GABRA1: variants seen among roughly 807,000 people sequenced by gnomAD.
GABRA1 encodes the protein gamma-aminobutyric acid type A receptor subunit alpha1.
A neutral mutation model predicts 48.9 loss-of-function variants in GABRA1; 9 were observed. The observed-to-expected ratio is 0.18, with a 90% CI of 0.11 to 0.32. GABRA1 has a LOEUF of 0.32. Ranked by LOEUF, GABRA1 falls within the 10% of genes least tolerant of loss-of-function variation. The pLI, the probability that GABRA1 is intolerant of heterozygous loss-of-function variation, is 1.00. For synonymous variants in GABRA1, 210 were observed against 198.7 expected (o/e 1.06, Z -0.48); for missense variants, 285 against 553.8 (o/e 0.51, Z 4.87).
chr5:161,851,834 A>G (rs192118639), intron 2 of GABRA1, among the ~76,000 whole-genome samples: 109 of 152,234 alleles, frequency 7.2e-4, no homozygotes, highest in African/African-American at 2.5e-3. Context: ...TTAATGAGAG[A>G]AGTTAAATGT....
chr5:161,856,680 A>G (rs1428420694), intron 3 of GABRA1, among the ~76,000 whole-genome samples: 2 of 151,322 alleles, frequency 1.3e-5, no homozygotes, highest in Non-Finnish European at 3.0e-5. Context: ...TTTTTTTTAA[A>G]TATTCTTTTT....
chr5:161,872,179 T>C (rs1754149198), intron 4 of GABRA1: 1 of 152,670 alleles, frequency 6.6e-6, no homozygotes, highest in South Asian at 2.1e-4. Context: ...GAGAATGTGG[T>C]AATCTCTATT....
chr5:161,865,740 G>T lies in GABRA1; in HGVS notation c.207G>T (p.Lys69Asn), dbSNP rs751050781. 1 of 1,613,010 alleles carries T rather than the reference G, an allele frequency of 6.2e-7. No individual in the cohort carries two copies. Among genetic ancestry groups the T allele is most frequent in the Non-Finnish European group, 8.5e-7 (1 of 1,179,188 alleles). Reference protein sequence around the residue: ...PGLGERVTEVKTDIFVTSFGP... With the variant: ...PGLGERVTEVNTDIFVTSFGP... ...CAACAGAGCGTGTAACCGAAGTGAA[G>T]ACTGATATCTTCGTCACCAGTTTCG... Residue 69 changes from lysine to asparagine, a missense_variant, in exon 4 of 10, where the codon AAG becomes AAT. Physicochemically the swap from Lys to Asn is moderately conservative, Grantham distance 94 (BLOSUM62 0). Transcript: ENST00000393943.
At chr5:161,865,419 G>A (rs186080020) in intron 3 of GABRA1, among the ~76,000 whole-genome samples, 2 of 152,082 alleles carry the variant, frequency 1.3e-5, no homozygotes, top group Non-Finnish European at 2.9e-5. Context: ...TCATTACAAT[G>A]TGAAGCAGTT....
intron 4 of GABRA1, chr5:161,872,291 G>A (rs1033934799): frequency 2.6e-5 from 4 of 152,570 alleles, no homozygotes; most frequent in Non-Finnish European, 5.9e-5. Context: ...CACATTGCTT[G>A]TTTTCAGATT....
chr5:161,896,020 T>A (rs1432796990), intron 9 of GABRA1, 152 bp downstream of exon 9: 1 of 721,496 alleles, frequency 1.4e-6, no homozygotes, highest in Non-Finnish European at 2.4e-6. Flanking sequence ...GCCATGATAA[T>A]TTTGTTATTG....
rs1182747324 is a variant in GABRA1 at position 161,891,928 on chromosome 5, ACTT to A, written c.856+879_856+881del. Among the ~76,000 whole-genome samples the A allele has an allele frequency of 3.9e-4, 59 of 152,334 alleles. No homozygotes were observed. The East Asian group carries it at 9.1e-3, about 23-fold the overall frequency. On this transcript the variant is annotated intron_variant, in intron 8 of 9. Coordinates refer to ENST00000393943, the MANE Select transcript of GABRA1 (RefSeq NM_001127644.2). The stretch of plus-strand genomic sequence containing the variant: ...CTATTCTATACAATTAGCCTGTATT[ACTT>A]AACTATAAAACAAATTCTATCTACT...
At chr5:161,862,093 C>T (rs1466454647) in intron 3 of GABRA1, among the ~76,000 whole-genome samples, 1 of 151,832 alleles carries the variant, frequency 6.6e-6, no homozygotes, top group Non-Finnish European at 1.5e-5. Flanking sequence ...TCATTCCCTC[C>T]TCCATTTTTT....
chr5:161,880,599 T>G (rs1362321964), intron 6 of GABRA1, among the ~76,000 whole-genome samples: 1 of 152,194 alleles, frequency 6.6e-6, no homozygotes, highest in Non-Finnish European at 1.5e-5. Context: ...TTTTAGTTCA[T>G]TCTCTTAAAC....
intron 7 of GABRA1, 108 bp downstream of exon 7, chr5:161,882,809 C>T (rs1754674661): frequency 1.8e-6 from 2 of 1,112,738 alleles, no homozygotes; most frequent in African/African-American, 1.5e-5. Flanking sequence ...GAACATTTCA[C>T]TAAATTGGGC....
intron 6 of GABRA1, among the ~76,000 whole-genome samples, chr5:161,875,913 G>C (rs924924587): frequency 6.6e-6 from 1 of 152,128 alleles, no homozygotes; most frequent in Non-Finnish European, 1.5e-5. Flanking sequence ...TATAGAAAAA[G>C]AAGTGAAGTA....
intron 6 of GABRA1, among the ~76,000 whole-genome samples, chr5:161,877,914 G>A (rs1289855422): frequency 6.6e-6 from 1 of 151,952 alleles, no homozygotes; most frequent in Admixed American, 6.6e-5. Flanking sequence ...CATCTCCCAG[G>A]GCCTTCCCTG....
intron 4 of GABRA1, among the ~76,000 whole-genome samples, chr5:161,870,161 C>T (rs191202136): frequency 2.0e-5 from 3 of 151,996 alleles, no homozygotes; most frequent in Admixed American, 6.6e-5. Flanking sequence ...ACTTAGCAAG[C>T]GTAAAATAAT....
At chr5:161,867,209 G>C (rs1753906668) in intron 4 of GABRA1, among the ~76,000 whole-genome samples, 2 of 152,056 alleles carry the variant, frequency 1.3e-5, no homozygotes, top group African/African-American at 4.8e-5. Flanking sequence ...AACTCTCTGA[G>C]GACTCATGAT....
At chr5:161,880,774 T>G (rs1754579858) in intron 6 of GABRA1, among the ~76,000 whole-genome samples, 1 of 152,182 alleles carries the variant, frequency 6.6e-6, no homozygotes, top group African/African-American at 2.4e-5. Context: ...TTTTAGGGAC[T>G]GAAAGGCATG....
intron 3 of GABRA1, among the ~76,000 whole-genome samples, chr5:161,856,562 T>C (rs982194034): frequency 1.3e-5 from 2 of 151,316 alleles, no homozygotes; most frequent in Non-Finnish European, 1.5e-5. Flanking sequence ...AACAAAAAAG[T>C]AGCTCAAATA....
intron 3 of GABRA1, among the ~76,000 whole-genome samples, chr5:161,859,336 A>C (rs1302657058): frequency 6.6e-6 from 1 of 151,678 alleles, no homozygotes; most frequent in Non-Finnish European, 1.5e-5. Context: ...TAATTGTTGC[A>C]AGAGATCTCA....
chr5:161,851,005 C>A, intron 2 of GABRA1, 121 bp downstream of exon 2: 1 of 786,784 alleles, frequency 1.3e-6, no homozygotes, highest in Non-Finnish European at 2.2e-6. Flanking sequence ...AACTTAACTG[C>A]AATAATTTCC....
At chr5:161,853,615 A>T (rs1581177824) in intron 2 of GABRA1, 2 of 152,054 alleles carry the variant, frequency 1.3e-5, no homozygotes, top group South Asian at 4.1e-4. Flanking sequence ...TTGCACACTG[A>T]TGTAAAAATA....
Sources: gnomAD v4.1 joint callset for allele counts (sites outside exome capture counted in the v4.1 genomes callset) on GRCh38, gnomAD v4.1.1 for gene constraint, MANE v1.5 for transcripts, NCBI Gene and HGNC (gene_info 2026-07-23, HGNC 2026-07-21) for gene names.